The following KDM4C variants were observed in gnomAD, a reference collection of about 807,000 sequenced individuals.
KDM4C encodes lysine demethylase 4C.
A neutral mutation model predicts 129.3 loss-of-function variants in KDM4C; 81 were observed. That is an observed-to-expected ratio of 0.63 (90% CI 0.52 to 0.75). The LOEUF is 0.75. Among genes scored for constraint, KDM4C ranks in the 30% least tolerant of loss-of-function variants. The probability of loss-of-function intolerance (pLI) is 0.00; values close to 1 mark genes in which losing one functional copy is unlikely to be tolerated. For synonymous variants in KDM4C, 573 were observed against 456.1 expected, an observed-to-expected ratio of 1.26 and a Z score of -3.26; for missense variants, 1,457 against 1,304.0, an observed-to-expected ratio of 1.12 and a Z score of -1.81.
At chr9:6,976,056 CAGTT>C (rs1373011839) in intron 8 of KDM4C, among the ~76,000 whole-genome samples, 1 of 148,958 alleles carries the variant, frequency 6.7e-6, no homozygotes, top group Non-Finnish European at 1.5e-5. Flanking sequence ...AATAAAAAAT[CAGTT>C]AGGGGATTAT....
chr9:6,934,338 G>A (rs577470322), intron 8 of KDM4C, among the ~76,000 whole-genome samples: 17 of 138,024 alleles, frequency 1.2e-4, no homozygotes, highest in African/African-American at 4.0e-4. Context: ...AAAATTAGCC[G>A]TTTGTGCTGG....
At chr9:7,130,106 C>T (rs905865841) in intron 19 of KDM4C, among the ~76,000 whole-genome samples, 7 of 152,178 alleles carry the variant, frequency 4.6e-5, no homozygotes, top group African/African-American at 1.7e-4. Flanking sequence ...CCTGTGCAGG[C>T]TACATAGTTG....
At chr9:6,929,378 ATTC>A (rs1251228273) in intron 8 of KDM4C, among the ~76,000 whole-genome samples, 1 of 151,360 alleles carries the variant, frequency 6.6e-6, no homozygotes, top group Non-Finnish European at 1.5e-5. Flanking sequence ...AATTGTGTTT[ATTC>A]TTCCATTTCC....
intron 15 of KDM4C, among the ~76,000 whole-genome samples, chr9:7,032,057 A>G (rs1418901501): frequency 6.6e-6 from 1 of 152,218 alleles, no homozygotes; most frequent in Non-Finnish European, 1.5e-5. Flanking sequence ...AACTCTTGAC[A>G]TCTTTGTGAA....
chr9:6,976,005 T>A (rs1237878357), intron 8 of KDM4C, among the ~76,000 whole-genome samples: 1 of 152,214 alleles, frequency 6.6e-6, no homozygotes, highest in Admixed American at 6.5e-5. Context: ...GCCACTGTAC[T>A]CCAGCCTGGG....
chr9:7,119,088 A>AAGTT (rs1313701410), intron 18 of KDM4C, among the ~76,000 whole-genome samples: 3 of 152,208 alleles, frequency 2.0e-5, no homozygotes, highest in Non-Finnish European at 2.9e-5. Flanking sequence ...TTGAGTATTT[A>AAGTT]AGTTAGATTC....
chr9:6,785,743 A>G (rs1326104882), intron 1 of KDM4C, among the ~76,000 whole-genome samples: 1 of 152,248 alleles, frequency 6.6e-6, no homozygotes, highest in Non-Finnish European at 1.5e-5. Flanking sequence ...ATTTCCAAAT[A>G]AGGCCACATT....
At chr9:7,047,464 T>G (rs1416921437) in intron 16 of KDM4C, among the ~76,000 whole-genome samples, 1 of 152,030 alleles carries the variant, frequency 6.6e-6, no homozygotes, top group Non-Finnish European at 1.5e-5. Flanking sequence ...AAGAGAGTCA[T>G]AAGTGAACAT....
chr9:6,874,136 A>T (rs1843224626), intron 5 of KDM4C, among the ~76,000 whole-genome samples: 2 of 152,272 alleles, frequency 1.3e-5, no homozygotes, highest in South Asian at 4.1e-4. Context: ...TTGAAATGTG[A>T]GAATTACCAA....
At chr9:6,989,279 GC>G (rs1167571808) in intron 11 of KDM4C, among the ~76,000 whole-genome samples, 1 of 152,154 alleles carries the variant, frequency 6.6e-6, no homozygotes, top group Admixed American at 6.5e-5. Context: ...TCTGGCCACT[GC>G]TTCTTCAGCT....
intron 1 of KDM4C, among the ~76,000 whole-genome samples, chr9:6,741,448 C>T (rs1020428750): frequency 1.3e-5 from 2 of 151,864 alleles, no homozygotes; most frequent in African/African-American, 4.8e-5. Context: ...TTCTATTTAC[C>T]CGGGTACATG....
chr9:7,093,083 C>T (rs1279007878), intron 17 of KDM4C, among the ~76,000 whole-genome samples: 1 of 152,052 alleles, frequency 6.6e-6, no homozygotes, highest in Non-Finnish European at 1.5e-5. Flanking sequence ...GTCAGTCATC[C>T]AATTTTTCAT....
At chr9:7,001,184 C>T (rs1326123566) in intron 12 of KDM4C, among the ~76,000 whole-genome samples, 1 of 152,168 alleles carries the variant, frequency 6.6e-6, no homozygotes, top group Non-Finnish European at 1.5e-5. Context: ...TTATACCTGT[C>T]AAGTGAACCT....
rs796486459 is a variant in KDM4C, at chr9:6,898,390, A to G, written c.921+5158A>G. Among the ~76,000 whole-genome samples, 6 of 152,198 alleles carry G rather than the reference A, an allele frequency of 3.9e-5. No homozygotes were observed. In the South Asian group the frequency reaches 1.2e-3, roughly 32 times the overall value. On this transcript the variant is annotated intron_variant, in intron 8 of 21. Coordinates refer to ENST00000381309, the MANE Select transcript of KDM4C (RefSeq NM_015061.6). ...TGTATTTATTACAGTGTGTGCAGTG[A>G]AAGAGACTTACTGTGTCAGAATAAA... is the stretch of plus-strand genomic sequence containing the variant.
At chr9:7,043,298 C>G (rs568414740) in intron 15 of KDM4C, among the ~76,000 whole-genome samples, 34 of 152,064 alleles carry the variant, frequency 2.2e-4, no homozygotes, top group African/African-American at 7.2e-4. Flanking sequence ...CTACCTTCTC[C>G]TTAAATTCTT....
At chr9:6,925,024 C>G in intron 8 of KDM4C, 5 of 985,314 alleles carry the variant, frequency 5.1e-6, no homozygotes, top group Non-Finnish European at 4.8e-6. Context: ...TTCTGAAGTT[C>G]TGAAATGAAC....
chr9:6,726,190 C>T (rs985589222), intron 1 of KDM4C, among the ~76,000 whole-genome samples: 1 of 152,162 alleles, frequency 6.6e-6, no homozygotes, highest in Non-Finnish European at 1.5e-5. Context: ...TCCCAAAGTG[C>T]TGGGATTACA....
intron 17 of KDM4C, chr9:7,076,916 TAATAGGA>T (rs1282980536): frequency 1.4e-5 from 14 of 986,732 alleles, no homozygotes; most frequent in Non-Finnish European, 1.7e-5. Context: ...GGAGGCATTA[TAATAGGA>T]GTCTCAGAAG....
At chr9:6,858,815 T>A (rs1009530793) in intron 5 of KDM4C, among the ~76,000 whole-genome samples, 2 of 152,022 alleles carry the variant, frequency 1.3e-5, no homozygotes, top group African/African-American at 4.8e-5. Context: ...AGTTAACAAG[T>A]TATTTTACCC....
Sources: allele counts gnomAD v4.1 joint callset (sites outside exome capture counted in the v4.1 genomes callset), GRCh38; gene constraint gnomAD v4.1.1; transcripts MANE v1.5; gene names NCBI Gene and HGNC (gene_info 2026-07-23, HGNC 2026-07-21).